The following GRK5 variants were observed in gnomAD, a reference collection of about 807,000 sequenced individuals.
GRK5 encodes G protein-coupled receptor kinase 5.
Under a neutral mutation model 78.4 loss-of-function variants are expected in GRK5, and 40 were observed. The ratio of observed to expected loss-of-function variants is 0.51; its 90% CI spans 0.40 to 0.66. The LOEUF is 0.66. GRK5 is among the 30% of genes least tolerant of loss of function. The pLI is 0.00. For missense variants in GRK5, 598 were observed against 759.9 expected (o/e 0.79, Z 2.50); for synonymous variants, 289 against 296.8 (o/e 0.97, Z 0.27).
intron 2 of GRK5, among the ~76,000 whole-genome samples, chr10:119,328,859 T>A (rs1236735620): frequency 6.6e-6 from 1 of 152,258 alleles, no homozygotes; most frequent in East Asian, 1.9e-4. Context: ...CACAGCCAGA[T>A]GTGAAGGCCA....
intron 2 of GRK5, among the ~76,000 whole-genome samples, chr10:119,362,309 C>G (rs1370478739): frequency 1.3e-5 from 2 of 152,248 alleles, no homozygotes; most frequent in Non-Finnish European, 2.9e-5. Flanking sequence ...TAGGATCACC[C>G]TTTGCCTGTG....
chr10:119,221,158 A>G (rs75437211), intron 1 of GRK5, among the ~76,000 whole-genome samples: 3 of 138,930 alleles, frequency 2.2e-5, no homozygotes, highest in South Asian at 4.3e-4. Flanking sequence ...TATATCTCGG[A>G]AAAAAAAAAA....
At chr10:119,291,996 C>G (rs1448012396) in intron 1 of GRK5, among the ~76,000 whole-genome samples, 2 of 135,408 alleles carry the variant, frequency 1.5e-5, no homozygotes, top group African/African-American at 5.6e-5. Flanking sequence ...CCTTCTTCTC[C>G]TCCTCTTCCT....
intron 1 of GRK5, among the ~76,000 whole-genome samples, chr10:119,247,210 A>G (rs1350800935): frequency 6.6e-6 from 1 of 152,218 alleles, no homozygotes; most frequent in Non-Finnish European, 1.5e-5. Flanking sequence ...ACGTTTAATA[A>G]GAGCAATGGA....
At chr10:119,376,972 G>A (rs1019409611) in intron 2 of GRK5, among the ~76,000 whole-genome samples, 2 of 152,184 alleles carry the variant, frequency 1.3e-5, no homozygotes, top group South Asian at 2.1e-4. Flanking sequence ...GAGCAAGTGC[G>A]CATGCGCGTG....
intron 2 of GRK5, among the ~76,000 whole-genome samples, chr10:119,346,248 G>A (rs1851090345): frequency 1.3e-5 from 2 of 152,214 alleles, no homozygotes; most frequent in Admixed American, 6.5e-5. Flanking sequence ...AGGCAGCATC[G>A]CCGCAGCGGG....
At position 119,217,785 on chromosome 10, in the gene GRK5, C is replaced by A. The variant is rs541640136; in HGVS notation, c.52+9816C>A. ...CTGCCCTGCACCCTGCTTCCCTGGC[C>A]GCTTACTGCTCCTTAGGAGGTTCTC... On this transcript the variant is annotated intron_variant, in intron 1 of 15. Coordinates refer to ENST00000392870, the MANE Select transcript of GRK5 (RefSeq NM_005308.3). This position sits in a 1 kb window ranked among gnomAD's most constrained non-coding sequence, Gnocchi z 4.1. Among the ~76,000 whole-genome samples the A allele has an allele frequency of 6.6e-6, 1 of 152,208 alleles. No homozygotes were observed. The highest frequency in any genetic ancestry group is 1.5e-5 in the Non-Finnish European group (1 of 68,038).
chr10:119,286,130 T>C (rs1437475356), intron 1 of GRK5, among the ~76,000 whole-genome samples: 1 of 152,230 alleles, frequency 6.6e-6, no homozygotes, highest in East Asian at 1.9e-4. Flanking sequence ...GTCATGTTAC[T>C]TTATCAGGAT....
In GRK5 at chr10:119,287,313, GGAGA is replaced by G. The variant is rs1456523824; in HGVS notation, c.53-39199_53-39196del. ...AGAAAGAGGGAAGAAAGGAAGGGAG[GGAGA>G]GAGGGAGGGAGGAAGGGAGAGAGGA... On this transcript the variant is annotated intron_variant, in intron 1 of 15. Transcript: ENST00000392870. Among the ~76,000 whole-genome samples the G allele has an allele frequency of 7.4e-4, 12 of 16,212 alleles. 1 individual carries two copies. Among genetic ancestry groups the G allele is most frequent in the Admixed American group, 1.4e-3 (2 of 1,462 alleles). 10.6% of individuals were successfully genotyped at this position (16,212 alleles called of 152,430 possible).
chr10:119,237,149 G>A (rs756960906), intron 1 of GRK5, among the ~76,000 whole-genome samples: 3 of 141,646 alleles, frequency 2.1e-5, no homozygotes, highest in Non-Finnish European at 4.5e-5. Context: ...TGCAATCTCC[G>A]ACTCCCAGGT....
At chr10:119,362,084 A>G (rs1226127643) in intron 2 of GRK5, among the ~76,000 whole-genome samples, 1 of 152,172 alleles carries the variant, frequency 6.6e-6, no homozygotes, top group Admixed American at 6.5e-5. Context: ...TGATGCTACT[A>G]CAAGAAGGAA....
At chr10:119,293,595 T>A (rs1850022845) in intron 1 of GRK5, among the ~76,000 whole-genome samples, 1 of 152,214 alleles carries the variant, frequency 6.6e-6, no homozygotes, top group East Asian at 1.9e-4. Flanking sequence ...GATTGCCAGG[T>A]ACCAAGTATC....
At chr10:119,305,328 G>A (rs1850257112) in intron 1 of GRK5, among the ~76,000 whole-genome samples, 1 of 152,160 alleles carries the variant, frequency 6.6e-6, no homozygotes, top group Non-Finnish European at 1.5e-5. Context: ...GGCTCAACAT[G>A]ACCTGCTTCT....
intron 1 of GRK5, among the ~76,000 whole-genome samples, chr10:119,318,594 CA>C (rs1442407760): frequency 1.4e-4 from 22 of 152,208 alleles, no homozygotes; most frequent in African/African-American, 5.3e-4. Flanking sequence ...GCCAGGTGAT[CA>C]CAGGGCTCTG....
At chr10:119,329,083 A>G (rs1850725042) in intron 2 of GRK5, among the ~76,000 whole-genome samples, 1 of 152,224 alleles carries the variant, frequency 6.6e-6, no homozygotes, top group African/African-American at 2.4e-5. Context: ...GAAAGAATAA[A>G]TGAGGTGTAA....
chr10:119,327,309 CGAGAGCGCCCAGGG>C (rs1850695946), intron 2 of GRK5, among the ~76,000 whole-genome samples: 1 of 152,176 alleles, frequency 6.6e-6, no homozygotes, highest in South Asian at 2.1e-4. Context: ...GGTGCCTGGG[CGAGAGCGCCCAGGG>C]GACAGGCATG....
At chr10:119,303,381 G>C (rs564907755) in intron 1 of GRK5, among the ~76,000 whole-genome samples, 2 of 152,254 alleles carry the variant, frequency 1.3e-5, no homozygotes, top group African/African-American at 2.4e-5. Context: ...TCCAAGTGTG[G>C]GTGTGTGGAG....
At chr10:119,307,644 A>G (rs1373956171) in intron 1 of GRK5, among the ~76,000 whole-genome samples, 1 of 152,160 alleles carries the variant, frequency 6.6e-6, no homozygotes, top group Non-Finnish European at 1.5e-5. Flanking sequence ...ATCTGATTCC[A>G]GACTTCTGAC....
At chr10:119,322,143 G>A (rs1850595803) in intron 1 of GRK5, among the ~76,000 whole-genome samples, 1 of 152,034 alleles carries the variant, frequency 6.6e-6, no homozygotes, top group African/African-American at 2.4e-5. Flanking sequence ...TAATAGAGAC[G>A]GAGTCTTGCT....
Sources: gnomAD v4.1 joint callset for allele counts (sites outside exome capture counted in the v4.1 genomes callset) on GRCh38, gnomAD v4.1.1 for gene constraint, Gnocchi (gnomAD v3.1) non-coding constraint, MANE v1.5 for transcripts, NCBI Gene and HGNC (gene_info 2026-07-23, HGNC 2026-07-21) for gene names.